PHEX: variants seen among roughly 807,000 people sequenced by gnomAD.
The protein encoded by PHEX is phosphate regulating endopeptidase X-linked.
Under a neutral mutation model 68.0 loss-of-function variants are expected in PHEX, and 16 were observed. That is an observed-to-expected ratio of 0.24 (90% CI 0.16 to 0.36). The LOEUF is 0.36. PHEX is among the 10% of genes least tolerant of loss of function. The pLI is 1.00. For missense variants in PHEX, 480 were observed against 575.5 expected (o/e 0.83, Z 1.70); for synonymous variants, 208 against 205.1 (o/e 1.01, Z -0.12).
intron 20 of PHEX, among the ~76,000 whole-genome samples, chrX:22,234,384 A>G (rs994157090): frequency 9.0e-6 from 1 of 110,880 alleles, no homozygotes; most frequent in Non-Finnish European, 1.9e-5. Flanking sequence ...CCCTTCCCCC[A>G]AGTGCTCTGT....
intron 15 of PHEX, among the ~76,000 whole-genome samples, chrX:22,193,209 C>T (rs1383505136): frequency 9.0e-6 from 1 of 110,713 alleles, no homozygotes; most frequent in South Asian, 3.7e-4. Flanking sequence ...ACATTTAGGA[C>T]ATTCTATTGG....
chrX:22,100,666 T>A (rs1025841367), intron 9 of PHEX, among the ~76,000 whole-genome samples: 2 of 111,533 alleles, frequency 1.8e-5, no homozygotes, highest in Admixed American at 1.9e-4. Flanking sequence ...TTTACTGTAT[T>A]AGAAAAAGCA....
chrX:22,188,970 C>T (rs1403965860), intron 14 of PHEX, among the ~76,000 whole-genome samples: 3 of 112,297 alleles, frequency 2.7e-5, no homozygotes, highest in South Asian at 3.7e-4. Context: ...CGAGTTCAAT[C>T]GTTTTGGTTT....
chrX:22,116,086 C>T (rs1220916154), intron 11 of PHEX, among the ~76,000 whole-genome samples: 2 of 111,779 alleles, frequency 1.8e-5, no homozygotes, highest in Non-Finnish European at 3.8e-5. Context: ...AGTATATGAG[C>T]GTTTCCTTTT....
intron 3 of PHEX, among the ~76,000 whole-genome samples, chrX:22,070,348 G>C (rs973538575): frequency 6.3e-5 from 7 of 111,293 alleles, no homozygotes; most frequent in African/African-American, 2.0e-4. Flanking sequence ...GCATGAAATT[G>C]AGAATTTACC....
At chrX:22,036,961 T>C (rs1466488393) in intron 1 of PHEX, among the ~76,000 whole-genome samples, 1 of 107,157 alleles carries the variant, frequency 9.3e-6, no homozygotes, top group Admixed American at 1.0e-4. Flanking sequence ...TAGCCGGGCG[T>C]GGTGGCGGGT....
chrX:22,111,356 G>C, intron 9 of PHEX, 111 bp from the exon 10 acceptor site: 2 of 629,690 alleles, frequency 3.2e-6, no homozygotes, highest in Non-Finnish European at 5.4e-6. Flanking sequence ...ATTTTTGTAT[G>C]AGTAAGAGGT....
intron 16 of PHEX, among the ~76,000 whole-genome samples, 188 bp from the exon 17 acceptor site, chrX:22,218,848 T>C (rs1935174501): frequency 8.9e-6 from 1 of 112,475 alleles, no homozygotes; most frequent in Non-Finnish European, 1.9e-5. Context: ...AGAATTTATA[T>C]TTTCTTTGTC....
At chrX:22,237,120 TG>T (rs1034132505) in intron 20 of PHEX, among the ~76,000 whole-genome samples, 14 of 112,348 alleles carry the variant, frequency 1.2e-4, no homozygotes, top group African/African-American at 4.2e-4. Context: ...CTTTCCCTCC[TG>T]GGAAGGTACT....
At chrX:22,046,924 T>G in intron 2 of PHEX, 126 bp from the exon 3 acceptor site, 1 of 590,264 alleles carries the variant, frequency 1.7e-6, no homozygotes, top group East Asian at 3.3e-5. Context: ...AGAGAGTTTA[T>G]TTAAGGGGAA....
intron 14 of PHEX, among the ~76,000 whole-genome samples, chrX:22,185,756 G>GTTTTTTGTTTTT (rs1207128506): frequency 6.8e-5 from 6 of 87,775 alleles, no homozygotes; most frequent in African/African-American, 2.0e-4. Flanking sequence ...CTCGTTTGTG[G>GTTTTTTGTTTTT]TTTTTTTTTT....
chrX:22,237,709 C>T (rs1020250081), intron 20 of PHEX, among the ~76,000 whole-genome samples: 8 of 112,183 alleles, frequency 7.1e-5, no homozygotes, highest in East Asian at 2.8e-4. Context: ...CACTGCTGCC[C>T]GTTAGGCATC....
At chrX:22,075,974 TAAGA>T (rs1271080756) in intron 3 of PHEX, among the ~76,000 whole-genome samples, 2 of 112,171 alleles carry the variant, frequency 1.8e-5, no homozygotes, top group East Asian at 5.6e-4. Context: ...GGAGAAATCT[TAAGA>T]AACACAACCC....
chrX:22,140,032 T>C (rs1932391525), intron 12 of PHEX, among the ~76,000 whole-genome samples: 1 of 111,074 alleles, frequency 9.0e-6, no homozygotes, highest in African/African-American at 3.3e-5. Flanking sequence ...GAATTTCTGA[T>C]TCAGTAGTGC....
chrX:22,047,754 G>A (rs1460676454), intron 3 of PHEX, among the ~76,000 whole-genome samples: 1 of 111,472 alleles, frequency 9.0e-6, no homozygotes, highest in Non-Finnish European at 1.9e-5. Flanking sequence ...CTCACACGTG[G>A]ATGCATAGAA....
chrX:22,121,738 C>G (rs780032544), intron 11 of PHEX, among the ~76,000 whole-genome samples: 37 of 112,492 alleles, frequency 3.3e-4, no homozygotes, highest in Non-Finnish European at 4.1e-4. Flanking sequence ...CTCCTGCACT[C>G]TAGCAGCTAT....
chrX:22,131,360 C>T (rs1267087562), intron 11 of PHEX, among the ~76,000 whole-genome samples: 2 of 112,423 alleles, frequency 1.8e-5, no homozygotes, highest in Non-Finnish European at 3.8e-5. Flanking sequence ...TTTTAAAGTT[C>T]CTCCAAAGAT....
chrX:22,038,412 G>T, intron 1 of PHEX, 57 bp from the exon 2 acceptor site: 3 of 757,730 alleles, frequency 4.0e-6, no homozygotes, highest in Non-Finnish European at 6.2e-6. Flanking sequence ...TCCGAGGGTG[G>T]TTTACCGGAT....
intron 13 of PHEX, among the ~76,000 whole-genome samples, chrX:22,176,018 G>A (rs1189819184): frequency 9.0e-6 from 1 of 111,234 alleles, no homozygotes; most frequent in Non-Finnish European, 1.9e-5. Flanking sequence ...TGCTAGTAAG[G>A]TTGCTTTCTA....
Sources: allele counts gnomAD v4.1 joint callset (sites outside exome capture counted in the v4.1 genomes callset), GRCh38; gene constraint gnomAD v4.1.1; transcripts MANE v1.5; gene names NCBI Gene and HGNC (gene_info 2026-07-23, HGNC 2026-07-21).